The following NKAIN1 variants were observed in gnomAD, a reference collection of about 807,000 sequenced individuals.
NKAIN1 encodes the protein sodium/potassium transporting ATPase interacting 1.
A neutral mutation model predicts 31.6 loss-of-function variants in NKAIN1; 13 were observed. The observed-to-expected ratio is 0.41, with a 90% CI of 0.27 to 0.65. The LOEUF is 0.65. Among genes scored for constraint, NKAIN1 ranks in the 30% least tolerant of loss-of-function variants. The pLI, the probability that NKAIN1 is intolerant of heterozygous loss-of-function variation, is 0.30. For missense variants in NKAIN1, 193 were observed against 262.2 expected (o/e 0.74, Z 1.82); for synonymous variants, 104 against 109.0 (o/e 0.95, Z 0.28).
At chr1:31,189,606 T>G (rs148923310) in intron 1 of NKAIN1, among the ~76,000 whole-genome samples, 1 of 152,218 alleles carries the variant, frequency 6.6e-6, no homozygotes, top group Non-Finnish European at 1.5e-5. Context: ...CGTGAGCCAC[T>G]GCGCCCAGCC....
At chr1:31,198,484 C>T (rs974134095) in intron 1 of NKAIN1, among the ~76,000 whole-genome samples, 1 of 152,162 alleles carries the variant, frequency 6.6e-6, no homozygotes. Flanking sequence ...TTCAGTCTCC[C>T]TCATGCTCCC....
intron 1 of NKAIN1, among the ~76,000 whole-genome samples, chr1:31,230,807 G>A (rs1055844347): frequency 4.0e-5 from 6 of 151,744 alleles, no homozygotes; most frequent in Non-Finnish European, 2.9e-5. Context: ...CTGTGCAATC[G>A]TCACATCAGG....
intron 1 of NKAIN1, among the ~76,000 whole-genome samples, chr1:31,200,897 G>A (rs989008770): frequency 6.6e-5 from 10 of 150,868 alleles, no homozygotes; most frequent in African/African-American, 1.5e-4. Flanking sequence ...GCAGTGGTGC[G>A]ATCTCAGCTC....
chr1:31,190,635 G>A (rs1486218072), intron 1 of NKAIN1, among the ~76,000 whole-genome samples: 11 of 152,246 alleles, frequency 7.2e-5, no homozygotes, highest in Admixed American at 6.5e-4. Context: ...CACTTTCCCC[G>A]CTGGGTTTGG....
At chr1:31,225,821 C>T (rs16834266) in intron 1 of NKAIN1, among the ~76,000 whole-genome samples, 48,202 of 152,126 alleles carry the variant, frequency 0.32, 9,695 homozygotes, top group African/African-American at 0.57. Flanking sequence ...TGCCTCATTC[C>T]TCCAGGAGAA....
At chr1:31,229,883 A>G (rs1645632858) in intron 1 of NKAIN1, among the ~76,000 whole-genome samples, 1 of 152,190 alleles carries the variant, frequency 6.6e-6, no homozygotes, top group South Asian at 2.1e-4. Flanking sequence ...CCTTTTCCCC[A>G]TACAGAGCAA....
chr1:31,210,577 C>T (rs749330873), intron 1 of NKAIN1, among the ~76,000 whole-genome samples: 23 of 152,204 alleles, frequency 1.5e-4, no homozygotes, highest in Non-Finnish European at 3.4e-4. Flanking sequence ...GCGTGAGCCC[C>T]CACACCCGGC....
intron 1 of NKAIN1, among the ~76,000 whole-genome samples, chr1:31,195,579 T>G (rs1645319902): frequency 6.6e-6 from 1 of 151,734 alleles, no homozygotes; most frequent in South Asian, 2.1e-4. Flanking sequence ...TCTCCCCAGA[T>G]CCTTCTCACT....
At chr1:31,184,892 C>A (rs142635057) in intron 3 of NKAIN1, among the ~76,000 whole-genome samples, 1 of 152,132 alleles carries the variant, frequency 6.6e-6, no homozygotes. Context: ...CACTACAAAG[C>A]GCATGGCATT....
At chr1:31,185,528 CT>C (rs1354667588) in intron 2 of NKAIN1, among the ~76,000 whole-genome samples, 1 of 152,184 alleles carries the variant, frequency 6.6e-6, no homozygotes, top group East Asian at 1.9e-4. Flanking sequence ...GCACTGCCCT[CT>C]TTTAGAGAGA....
At chr1:31,230,464 G>A (rs1381231886) in intron 1 of NKAIN1, among the ~76,000 whole-genome samples, 1 of 152,208 alleles carries the variant, frequency 6.6e-6, no homozygotes. Context: ...TTTGAGAGGG[G>A]CCAGGAGGCC....
At position 31,233,936 on chromosome 1, in the gene NKAIN1, G is replaced by A. The variant is rs1378888756; in HGVS notation, c.54+5558C>T. ...CACAAAGCAAGGCCTGATCCCAGAT[G>A]TAGTGCTCCTAGCCCCTGTGCCAGA... On this transcript the variant is annotated intron_variant, in intron 1 of 6. Coordinates refer to ENST00000373736, the MANE Select transcript of NKAIN1 (RefSeq NM_024522.3). This position sits in a 1 kb window ranked among gnomAD's most constrained non-coding sequence, Gnocchi z 4.0. Among the ~76,000 whole-genome samples the A allele has an allele frequency of 6.6e-6, 1 of 152,248 alleles. No individual in the cohort carries two copies. Among genetic ancestry groups the A allele is most frequent in the Non-Finnish European group, 1.5e-5 (1 of 68,040 alleles).
At chr1:31,217,223 AG>A (rs1479506346) in intron 1 of NKAIN1, among the ~76,000 whole-genome samples, 1 of 151,788 alleles carries the variant, frequency 6.6e-6, no homozygotes, top group Non-Finnish European at 1.5e-5. Context: ...GGAGTGTGGC[AG>A]CACAGTCATA....
intron 1 of NKAIN1, among the ~76,000 whole-genome samples, chr1:31,198,379 A>G (rs978785252): frequency 3.3e-5 from 5 of 152,102 alleles, no homozygotes; most frequent in African/African-American, 1.2e-4. Context: ...TGAACAGCTC[A>G]TTGTGAACTC....
At position 31,239,831 on chromosome 1, in the gene NKAIN1, G is replaced by T. The variant is rs1047045367; in HGVS notation, c.-284C>A. On this transcript the variant is annotated 5_prime_UTR_variant, in exon 1 of 7. Coordinates refer to ENST00000373736, the MANE Select transcript of NKAIN1 (RefSeq NM_024522.3). This position sits in a 1 kb window ranked among gnomAD's most constrained non-coding sequence, Gnocchi z 4.8. ...CGCCTCCTGCCCCGGGGCGGCTGGCGGGGAGCGCGGAGCAAGGAGAGCGAG... is the reference window on the plus strand; with the variant it reads ...CGCCTCCTGCCCCGGGGCGGCTGGCTGGGAGCGCGGAGCAAGGAGAGCGAG... Among the ~76,000 whole-genome samples, 1 of 151,932 alleles carries T rather than the reference G, an allele frequency of 6.6e-6. No individual in the cohort carries two copies. The highest frequency in any genetic ancestry group is 1.5e-5 in the Non-Finnish European group (1 of 67,930).
chr1:31,218,339 G>A (rs1645534411), intron 1 of NKAIN1, among the ~76,000 whole-genome samples: 1 of 152,072 alleles, frequency 6.6e-6, no homozygotes, highest in African/African-American at 2.4e-5. Context: ...TGGGATTACA[G>A]GCATGAGCCA....
chr1:31,196,528 AAT>A (rs1645328912), intron 1 of NKAIN1, among the ~76,000 whole-genome samples: 1 of 149,820 alleles, frequency 6.7e-6, no homozygotes, highest in East Asian at 1.9e-4. Flanking sequence ...AAAAAAAAAA[AAT>A]AGAAAAATTA....
chr1:31,185,109 A>G, intron 3 of NKAIN1, 138 bp downstream of exon 3: 1 of 672,514 alleles, frequency 1.5e-6, no homozygotes, highest in Admixed American at 2.6e-5. Context: ...GAAATGGGGC[A>G]CACAGATTAT....
chr1:31,226,425 G>A (rs1196451295), intron 1 of NKAIN1, among the ~76,000 whole-genome samples: 1 of 152,158 alleles, frequency 6.6e-6, no homozygotes, highest in Non-Finnish European at 1.5e-5. Context: ...GTGAAGTGCT[G>A]GGTCTAAGGG....
Sources: allele counts gnomAD v4.1 joint callset (sites outside exome capture counted in the v4.1 genomes callset), GRCh38; gene constraint gnomAD v4.1.1; non-coding constraint Gnocchi (gnomAD v3.1); transcripts MANE v1.5; gene names NCBI Gene and HGNC (gene_info 2026-07-23, HGNC 2026-07-21).